Variants in ADAMTS6 observed in about 807,000 individuals in gnomAD.
The protein encoded by ADAMTS6 is A disintegrin and metalloproteinase with thrombospondin motifs 6.
Under a neutral mutation model 144.3 loss-of-function variants are expected in ADAMTS6, and 23 were observed. The observed-to-expected ratio is 0.16, with a 90% CI of 0.11 to 0.23. ADAMTS6 has a LOEUF of 0.23. ADAMTS6 is among the 10% of genes least tolerant of loss of function. The probability of loss-of-function intolerance (pLI) is 1.00; values close to 1 mark genes in which losing one functional copy is unlikely to be tolerated. For missense variants in ADAMTS6, 999 were observed against 1,379.6 expected (o/e 0.72, Z 4.37); for synonymous variants, 444 against 457.5 (o/e 0.97, Z 0.38).
intron 7 of ADAMTS6, among the ~76,000 whole-genome samples, chr5:65,444,637 T>C (rs1335916628): frequency 6.6e-6 from 1 of 152,162 alleles, no homozygotes; most frequent in Non-Finnish European, 1.5e-5. Flanking sequence ...AGACTCCATA[T>C]TGTTAAGATG....
intron 7 of ADAMTS6, among the ~76,000 whole-genome samples, chr5:65,372,771 C>T (rs1292486199): frequency 3.3e-5 from 5 of 152,196 alleles, no homozygotes; most frequent in African/African-American, 1.2e-4. Context: ...TAGACATCTA[C>T]AGAACTCTCC....
intron 5 of ADAMTS6, 121 bp from the exon 6 acceptor site, chr5:65,452,337 T>A (rs751514051): frequency 1.1e-5 from 8 of 760,284 alleles, no homozygotes; most frequent in Non-Finnish European, 1.7e-5. Flanking sequence ...TTACCCCATA[T>A]CACTTAGAAC....
At chr5:65,422,572 A>G (rs180892465) in intron 7 of ADAMTS6, among the ~76,000 whole-genome samples, 83 of 152,342 alleles carry the variant, frequency 5.4e-4, no homozygotes, top group Non-Finnish European at 8.4e-4. Flanking sequence ...CAGTGAGCCA[A>G]TATCATGCCA....
At chr5:65,288,973 A>G (rs1742021592) in intron 11 of ADAMTS6, among the ~76,000 whole-genome samples, 1 of 152,220 alleles carries the variant, frequency 6.6e-6, no homozygotes. Context: ...AACCGACACA[A>G]GTTCAGAGGT....
chr5:65,169,310 G>A (rs1753442961), intron 24 of ADAMTS6, among the ~76,000 whole-genome samples: 1 of 121,836 alleles, frequency 8.2e-6, no homozygotes, highest in Admixed American at 8.7e-5. Flanking sequence ...GGCCATCAGA[G>A]AAATGCAAAT....
At chr5:65,397,510 T>G (rs1409696274) in intron 7 of ADAMTS6, among the ~76,000 whole-genome samples, 4 of 152,138 alleles carry the variant, frequency 2.6e-5, no homozygotes, top group African/African-American at 4.8e-5. Context: ...AAGTTATGTT[T>G]TCATTTCATT....
At position 65,201,984 on chromosome 5, in the gene ADAMTS6, C is replaced by T. The variant is rs73761666; in HGVS notation, c.2576-4833G>A. ...TGCCAGGAAAAAAAATGTCTCTCCG[C>T]TCTGCCTTTCACTGCTGGAATCTGG... On this transcript the variant is annotated intron_variant, in intron 20 of 24. Coordinates refer to ENST00000381055, the MANE Select transcript of ADAMTS6 (RefSeq NM_197941.4). Among the ~76,000 whole-genome samples the T allele has an allele frequency of 8.7e-3, 1,319 of 152,336 alleles. 19 individuals carry two copies. Among genetic ancestry groups the T allele is most frequent in the African/African-American group, 0.03 (1,239 of 41,576 alleles).
At chr5:65,462,189 T>C (rs1356870104) in intron 3 of ADAMTS6, among the ~76,000 whole-genome samples, 1 of 152,156 alleles carries the variant, frequency 6.6e-6, no homozygotes, top group Non-Finnish European at 1.5e-5. Context: ...AGATCAACAA[T>C]GTGCTAAAAA....
At chr5:65,336,702 G>A (rs1434722230) in intron 7 of ADAMTS6, among the ~76,000 whole-genome samples, 1 of 152,008 alleles carries the variant, frequency 6.6e-6, no homozygotes, top group Non-Finnish European at 1.5e-5. Flanking sequence ...TAAGGAATAT[G>A]ATATTTGTGC....
At chr5:65,359,292 C>A (rs1299186533) in intron 7 of ADAMTS6, among the ~76,000 whole-genome samples, 1 of 151,976 alleles carries the variant, frequency 6.6e-6, no homozygotes, top group Admixed American at 6.6e-5. Context: ...AAATGGCCAA[C>A]AAACATAGGA....
intron 20 of ADAMTS6, among the ~76,000 whole-genome samples, chr5:65,206,156 T>C (rs1756069954): frequency 6.6e-6 from 1 of 152,204 alleles, no homozygotes. Context: ...CACAGTATCC[T>C]TAGTATCTCT....
chr5:65,253,812 C>CTTTTTTT lies in ADAMTS6; in HGVS notation c.1830+6781_1830+6787dup, dbSNP rs759508097. Among the ~76,000 whole-genome samples, 70 of 67,000 alleles carry CTTTTTTT rather than the reference C, an allele frequency of 1.0e-3. 8 individuals are homozygous for CTTTTTTT. The highest frequency in any genetic ancestry group is 2.3e-3 in the African/African-American group (35 of 15,390). 44.0% of individuals were successfully genotyped at this position (67,000 alleles called of 152,430 possible). On this transcript the variant is annotated intron_variant, in intron 14 of 24. Coordinates refer to ENST00000381055, the MANE Select transcript of ADAMTS6 (RefSeq NM_197941.4). ...TAAAGTCTTGCTTACAATATTCAAT[C>CTTTTTTT]TTTTTTTTTTTTTTTTTTTTTTTTT...
chr5:65,297,337 A>ATGGAATAGTTTGGCCACGGAATAGT, intron 10 of ADAMTS6: 1 of 433,670 alleles, frequency 2.3e-6, no homozygotes, highest in Non-Finnish European at 4.6e-6. Flanking sequence ...TTTGTATTCT[A>ATGGAATAGTTTGGCCACGGAATAGT]TTGGCCATGG....
rs537718299 is a variant in ADAMTS6, at chr5:65,230,264, A to T, written c.1934-4045T>A. Among the ~76,000 whole-genome samples the T allele has an allele frequency of 1.6e-4, 21 of 133,008 alleles. No individual in the cohort carries two copies. In the East Asian group the frequency reaches 4.3e-3, roughly 27 times the overall value. The allele number at this position is 133,008 out of a possible 152,430, so 87.3% of individuals were successfully genotyped here. On this transcript the variant is annotated intron_variant, in intron 15 of 24. Coordinates refer to ENST00000381055, the MANE Select transcript of ADAMTS6 (RefSeq NM_197941.4). ...AGATTTTTATATAAGCCTCATGGTAATCACAAAGCAAAATACCTAAAGCAT... is the reference window on the plus strand; with the variant it reads ...AGATTTTTATATAAGCCTCATGGTATTCACAAAGCAAAATACCTAAAGCAT...
At chr5:65,305,883 G>T (rs888738883) in intron 9 of ADAMTS6, among the ~76,000 whole-genome samples, 2 of 152,158 alleles carry the variant, frequency 1.3e-5, no homozygotes, top group African/African-American at 4.8e-5. Context: ...TGGGCCTTTT[G>T]TGATCCTCCA....
intron 2 of ADAMTS6, among the ~76,000 whole-genome samples, chr5:65,473,131 G>A (rs562230218): frequency 6.6e-6 from 1 of 152,196 alleles, no homozygotes; most frequent in South Asian, 2.1e-4. Context: ...TCAGATTCTA[G>A]TCTTTAGATC....
intron 11 of ADAMTS6, among the ~76,000 whole-genome samples, chr5:65,282,559 G>A (rs1480798987): frequency 6.6e-6 from 1 of 152,044 alleles, no homozygotes; most frequent in Non-Finnish European, 1.5e-5. Context: ...CTCCCTACAA[G>A]AGACAGCTCT....
chr5:65,302,107 A>AAAAT (rs1385159906), intron 9 of ADAMTS6, among the ~76,000 whole-genome samples: 17 of 34,088 alleles, frequency 5.0e-4, no homozygotes, highest in East Asian at 2.5e-3. Flanking sequence ...AAAAAAAAAA[A>AAAAT]ATATATATAT....
intron 7 of ADAMTS6, among the ~76,000 whole-genome samples, chr5:65,358,443 T>C (rs150314839): frequency 6.6e-6 from 1 of 152,060 alleles, no homozygotes; most frequent in East Asian, 1.9e-4. Flanking sequence ...TCAAAATTTC[T>C]GTACTCCTCA....
Sources: allele counts gnomAD v4.1 joint callset (sites outside exome capture counted in the v4.1 genomes callset), GRCh38; gene constraint gnomAD v4.1.1; transcripts MANE v1.5; gene names NCBI Gene and HGNC (gene_info 2026-07-23, HGNC 2026-07-21).